Variants in ALOX5 observed in about 807,000 individuals in gnomAD.
The protein encoded by ALOX5 is arachidonate 5-lipoxygenase, also known as polyunsaturated fatty acid 5-lipoxygenase.
In ALOX5, 64 loss-of-function variants were observed where a neutral mutation model predicts 87.9. The observed-to-expected ratio is 0.73, with a 90% CI of 0.60 to 0.90. The LOEUF is 0.90. Among genes scored for constraint, ALOX5 ranks in the 40% least tolerant of loss-of-function variants. ALOX5 has a pLI of 0.00. For missense variants in ALOX5, 822 were observed against 907.5 expected (o/e 0.91, Z 1.21); for synonymous variants, 388 against 355.1 (o/e 1.09, Z -1.04).
chr10:45,419,071 T>C (rs1027783206), intron 4 of ALOX5, among the ~76,000 whole-genome samples: 24 of 152,222 alleles, frequency 1.6e-4, no homozygotes, highest in Non-Finnish European at 3.1e-4. Context: ...CGCTTTCCAG[T>C]GAAGGCGCCG....
rs73283159 is a variant in ALOX5, at chr10:45,407,587, C to T, written c.432-4604C>T. Among the ~76,000 whole-genome samples the T allele has an allele frequency of 1.8e-3, 274 of 152,236 alleles. 1 individual carries two copies. Among genetic ancestry groups the T allele is most frequent in the African/African-American group, 6.1e-3 (254 of 41,540 alleles). ...GGGATATTGAGAAGTACACAATTTT[C>T]ATGTAAGAGCAGGGCAGGGAAAAAT... On this transcript the variant is annotated intron_variant, in intron 3 of 13. Transcript: ENST00000374391.
chr10:45,445,434 T>G, intron 13 of ALOX5, 74 bp from the exon 14 acceptor site: 3 of 1,528,692 alleles, frequency 2.0e-6, no homozygotes, highest in Non-Finnish European at 2.7e-6. Flanking sequence ...GCTGGCCCCT[T>G]GGGATGAGAC....
At chr10:45,382,764 G>T in intron 2 of ALOX5, 83 bp downstream of exon 2, 1 of 1,481,682 alleles carries the variant, frequency 6.7e-7, no homozygotes. Context: ...AGTCATAGGA[G>T]GAATGACACT....
chr10:45,435,415 C>T (rs978665387), intron 7 of ALOX5, among the ~76,000 whole-genome samples: 1 of 152,000 alleles, frequency 6.6e-6, no homozygotes, highest in African/African-American at 2.4e-5. Context: ...CAACCCTTTC[C>T]TCCCTCCCTC....
Position 45,440,504 on chromosome 10 carries a change from A to T in ALOX5, c.1056A>T (p.Lys352Asn), listed in dbSNP as rs1842195447. 4 of 1,614,070 alleles carry T rather than the reference A, an allele frequency of 2.5e-6. No homozygotes were observed. The highest frequency in any genetic ancestry group is 3.4e-6 in the Non-Finnish European group (4 of 1,180,032). Residue 352 changes from lysine (K) to asparagine (N), a missense_variant, in exon 8 of 14, where the codon AAA becomes AAT. Transcript: ENST00000374391. ...SDAKYDWLLA[K>N]IWVRSSDFHV... Reference sequence around the variant, plus strand: ...CAAAATACGACTGGCTTTTGGCCAAAATCTGGGTGCGTTCCAGTGACTTCC... The same window carrying T: ...CAAAATACGACTGGCTTTTGGCCAATATCTGGGTGCGTTCCAGTGACTTCC...
chr10:45,405,305 G>A (rs1388671024), intron 3 of ALOX5, among the ~76,000 whole-genome samples: 2 of 152,186 alleles, frequency 1.3e-5, no homozygotes, highest in African/African-American at 2.4e-5. Context: ...TGTATGAAAA[G>A]ATACTTTTGC....
intron 3 of ALOX5, among the ~76,000 whole-genome samples, chr10:45,408,058 T>C (rs1023876612): frequency 1.3e-5 from 2 of 152,332 alleles, no homozygotes; most frequent in South Asian, 2.1e-4. Context: ...TCTTCTTTTA[T>C]TTCTTTGATT....
rs144409895 is a variant in ALOX5 at position 45,435,417 on chromosome 10, C to A, written c.982-5013C>A. On this transcript the variant is annotated intron_variant, in intron 7 of 13. Transcript: ENST00000374391. ...ATACCCAGTTTTTCAACCCTTTCCT[C>A]CCTCCCTCCCCTTCCTGGAGTCCCC... Among the ~76,000 whole-genome samples the A allele has an allele frequency of 2.9e-3, 440 of 152,228 alleles. 18 individuals are homozygous for A. The South Asian group carries it at 0.078, about 27-fold the overall frequency.
intron 2 of ALOX5, among the ~76,000 whole-genome samples, chr10:45,393,710 G>T (rs1293093678): frequency 6.6e-6 from 1 of 152,196 alleles, no homozygotes; most frequent in African/African-American, 2.4e-5. Context: ...AAACCCCATT[G>T]TCTCAGCCCA....
chr10:45,402,125 G>A lies in ALOX5; in HGVS notation c.431+6189G>A, dbSNP rs113599125. On this transcript the variant is annotated intron_variant, in intron 3 of 13. Coordinates refer to ENST00000374391, the MANE Select transcript of ALOX5 (RefSeq NM_000698.5). ...AAAAAAATCTTTAACCAGTTTTCAC[G>A]AGCCATGTATGGGTCCCTGTTTCAT... Among the ~76,000 whole-genome samples the A allele has an allele frequency of 7.1e-4, 106 of 148,332 alleles. 1 individual carries two copies. The highest frequency in any genetic ancestry group is 9.4e-4 in the Admixed American group (14 of 14,850).
chr10:45,382,458 C>A lies in ALOX5; in HGVS notation c.151-25C>A, dbSNP rs762547021. On this transcript the variant is annotated intron_variant, in intron 1 of 13. Transcript: ENST00000374391. ...CAAAGGCTCAGGAGACCACGCATGG[C>A]CTGATTGCCTGTTCTCCTTCCCAGG... The A allele has an allele frequency of 3.1e-6, 5 of 1,613,428 alleles. No homozygotes were observed. In the Admixed American group the frequency reaches 8.3e-5, roughly 27 times the overall value.
intron 4 of ALOX5, 69 bp downstream of exon 4, chr10:45,412,382 A>C: frequency 6.3e-7 from 1 of 1,583,970 alleles, no homozygotes; most frequent in Non-Finnish European, 8.6e-7. Context: ...TGGAACCCTC[A>C]CTCCTTTCCT....
intron 9 of ALOX5, 75 bp downstream of exon 9, chr10:45,441,505 G>T: frequency 6.9e-7 from 1 of 1,457,286 alleles, no homozygotes; most frequent in Non-Finnish European, 9.6e-7. Context: ...CTGAGATCTA[G>T]ACACCCTTTC....
chr10:45,393,978 A>T (rs1001514987), intron 2 of ALOX5, among the ~76,000 whole-genome samples: 4 of 152,264 alleles, frequency 2.6e-5, no homozygotes, highest in African/African-American at 7.2e-5. Context: ...ATGGAAGAAC[A>T]TCCCATGCTC....
chr10:45,393,779 G>A (rs1055166042), intron 2 of ALOX5, among the ~76,000 whole-genome samples: 1 of 152,184 alleles, frequency 6.6e-6, no homozygotes, highest in Non-Finnish European at 1.5e-5. Flanking sequence ...AAATCAATGT[G>A]CAAGAATCAC....
At chr10:45,375,441 G>T (rs2132660046) in intron 1 of ALOX5, among the ~76,000 whole-genome samples, 1 of 152,260 alleles carries the variant, frequency 6.6e-6, no homozygotes, top group South Asian at 2.1e-4. Context: ...GGTGCGCAGG[G>T]AATATCAGTT....
chr10:45,444,097 C>T lies in ALOX5; in HGVS notation c.1675-19C>T, dbSNP rs1463891759. Reference sequence around the variant, plus strand: ...AGGGCTTCGGGGGTGCCCACGCTTGCTGGCGGTCGTCTCCGCAGTACGACT... The same window carrying T: ...AGGGCTTCGGGGGTGCCCACGCTTGTTGGCGGTCGTCTCCGCAGTACGACT... On this transcript the variant is annotated intron_variant, in intron 12 of 13. Coordinates refer to ENST00000374391, the MANE Select transcript of ALOX5 (RefSeq NM_000698.5). 2.0e-6 allele frequency: 3 copies of T among 1,515,566 alleles called. No homozygotes were observed. The highest frequency in any genetic ancestry group is 1.8e-6 in the Non-Finnish European group (2 of 1,124,506). 93.9% of individuals were successfully genotyped at this position (1,515,566 alleles called of 1,614,324 possible).
intron 7 of ALOX5, among the ~76,000 whole-genome samples, chr10:45,439,410 T>C (rs1025990004): frequency 5.3e-5 from 8 of 152,362 alleles, no homozygotes; most frequent in African/African-American, 1.9e-4. Context: ...GCCATGCCCC[T>C]TCCTGGCCGC....
At chr10:45,386,353 C>A (rs910887961) in intron 2 of ALOX5, among the ~76,000 whole-genome samples, 6 of 151,274 alleles carry the variant, frequency 4.0e-5, no homozygotes, top group Admixed American at 6.6e-5. Context: ...ATAGTCCCAA[C>A]TACTTAGGAG....
Sources: allele counts gnomAD v4.1 joint callset (sites outside exome capture counted in the v4.1 genomes callset), GRCh38; gene constraint gnomAD v4.1.1; transcripts MANE v1.5; gene names NCBI Gene and HGNC (gene_info 2026-07-23, HGNC 2026-07-21).